Variants in PSMA8 observed in about 807,000 individuals in gnomAD.
PSMA8 encodes the protein proteasome 20S subunit alpha 8.
In PSMA8, 18 loss-of-function variants were observed where a neutral mutation model predicts 32.4. The observed-to-expected ratio is 0.56, with a 90% CI of 0.38 to 0.82. The LOEUF (loss-of-function observed/expected upper bound fraction) is 0.82. Among genes scored for constraint, PSMA8 ranks in the 40% least tolerant of loss-of-function variants. The pLI, the probability that PSMA8 is intolerant of heterozygous loss-of-function variation, is 0.00. For synonymous variants in PSMA8, 104 were observed against 98.1 expected (o/e 1.06, Z -0.36); for missense variants, 298 against 300.7 (o/e 0.99, Z 0.07).
chr18:26,159,303 A>G (rs2055116770), intron 4 of PSMA8, among the ~76,000 whole-genome samples: 1 of 152,222 alleles, frequency 6.6e-6, no homozygotes, highest in Non-Finnish European at 1.5e-5. Context: ...TTAACCAGGC[A>G]GTAAAGCAGT....
chr18:26,154,028 A>G (rs1395101075), intron 3 of PSMA8, among the ~76,000 whole-genome samples: 3 of 152,194 alleles, frequency 2.0e-5, no homozygotes, highest in Non-Finnish European at 4.4e-5. Flanking sequence ...CAGCCTCCTG[A>G]GTAGCTGGGA....
chr18:26,152,059 A>C, intron 3 of PSMA8, 77 bp downstream of exon 3: 1 of 1,116,108 alleles, frequency 9.0e-7, no homozygotes, highest in Non-Finnish European at 1.2e-6. Flanking sequence ...GAAGTACTAC[A>C]GTTACTCCAA....
At chr18:26,184,028 T>G (rs1007394515) in intron 6 of PSMA8, among the ~76,000 whole-genome samples, 1 of 150,714 alleles carries the variant, frequency 6.6e-6, no homozygotes, top group African/African-American at 2.5e-5. Context: ...CAAATTAAGA[T>G]ATGTTGATTT....
chr18:26,133,929 C>A lies in PSMA8; in HGVS notation c.-37C>A. On this transcript the variant is annotated 5_prime_UTR_variant, in exon 1 of 7. Coordinates refer to ENST00000415576, the MANE Select transcript of PSMA8 (RefSeq NM_001025096.2). ...TCCCCGCTTGCCTCAGCTGCAGCAGCGGGAAGCTCGGTGGCAAGCCCTTGT... is the reference window on the plus strand; with the variant it reads ...TCCCCGCTTGCCTCAGCTGCAGCAGAGGGAAGCTCGGTGGCAAGCCCTTGT... 3 of 1,552,358 alleles carry A rather than the reference C, an allele frequency of 1.9e-6. No individual in the cohort carries two copies. Among genetic ancestry groups the A allele is most frequent in the Non-Finnish European group, 2.7e-6 (3 of 1,125,554 alleles).
chr18:26,160,983 C>T (rs2055130690), intron 4 of PSMA8, among the ~76,000 whole-genome samples: 10 of 152,174 alleles, frequency 6.6e-5, no homozygotes, highest in Admixed American at 6.5e-4. Flanking sequence ...TTAGATACCT[C>T]CTCCCTGGTC....
intron 4 of PSMA8, among the ~76,000 whole-genome samples, chr18:26,169,716 G>A (rs1233177612): frequency 2.3e-5 from 3 of 129,044 alleles, no homozygotes; most frequent in Non-Finnish European, 1.5e-5. Context: ...GCGTGGTGGC[G>A]CGCACCCGGT....
chr18:26,137,187 G>T (rs1413572805), intron 1 of PSMA8, among the ~76,000 whole-genome samples: 3 of 152,196 alleles, frequency 2.0e-5, no homozygotes, highest in Admixed American at 2.0e-4. Flanking sequence ...GCTGGGCGTG[G>T]TGGCTGATGC....
intron 4 of PSMA8, among the ~76,000 whole-genome samples, chr18:26,168,005 CT>C (rs1321200081): frequency 1.7e-5 from 2 of 116,930 alleles, no homozygotes; most frequent in Non-Finnish European, 3.1e-5. Context: ...GAGGCAAATA[CT>C]TTTCATTCTC....
At chr18:26,159,702 T>C (rs921296988) in intron 4 of PSMA8, among the ~76,000 whole-genome samples, 1 of 152,098 alleles carries the variant, frequency 6.6e-6, no homozygotes, top group Non-Finnish European at 1.5e-5. Flanking sequence ...AGGAAAATTA[T>C]GGAATTTTTT....
chr18:26,136,319 T>G (rs963474334), intron 1 of PSMA8, among the ~76,000 whole-genome samples: 1 of 150,842 alleles, frequency 6.6e-6, no homozygotes, highest in Non-Finnish European at 1.5e-5. Flanking sequence ...AACGATAAGA[T>G]TTATTATCAT....
At chr18:26,136,092 T>G (rs2054909532) in intron 1 of PSMA8, among the ~76,000 whole-genome samples, 1 of 152,210 alleles carries the variant, frequency 6.6e-6, no homozygotes, top group African/African-American at 2.4e-5. Context: ...GTGATACTAT[T>G]TAGTAATATA....
intron 3 of PSMA8, 27 bp from the exon 4 acceptor site, chr18:26,158,095 T>C: frequency 1.3e-6 from 2 of 1,495,352 alleles, no homozygotes; most frequent in Non-Finnish European, 9.2e-7. Flanking sequence ...AATAGTTTTA[T>C]TCTAAAAATA....
chr18:26,178,785 A>G (rs369108150), intron 4 of PSMA8, 45 bp from the exon 5 acceptor site: 50 of 1,565,466 alleles, frequency 3.2e-5, no homozygotes, highest in Non-Finnish European at 4.2e-5. Flanking sequence ...CCATAAATTC[A>G]TTCCTACTGC....
intron 1 of PSMA8, among the ~76,000 whole-genome samples, chr18:26,136,428 A>G (rs12968175): frequency 0.052 from 7,908 of 152,294 alleles, 228 homozygotes; most frequent in East Asian, 0.12. Flanking sequence ...AAAGTCTTCC[A>G]TAATCCTATC....
intron 4 of PSMA8, among the ~76,000 whole-genome samples, chr18:26,160,169 G>T (rs1431276348): frequency 2.0e-5 from 3 of 152,110 alleles, no homozygotes; most frequent in Non-Finnish European, 4.4e-5. Flanking sequence ...CCAGGCATTG[G>T]TGGTACACAC....
rs534683520 is a variant in PSMA8, at chr18:26,145,791, T to G, written c.229+1106T>G. Among the ~76,000 whole-genome samples the G allele has an allele frequency of 7.9e-5, 12 of 152,326 alleles. No homozygotes were observed. In the East Asian group the frequency reaches 2.1e-3, roughly 27 times the overall value. On this transcript the variant is annotated intron_variant, in intron 2 of 6. Coordinates refer to ENST00000415576, the MANE Select transcript of PSMA8 (RefSeq NM_001025096.2). ...GGACATTTGGGTTATTTCCAATTTT[T>G]GACTATTGTAAATAATGCCTCTATG...
intron 6 of PSMA8, among the ~76,000 whole-genome samples, chr18:26,190,726 G>A (rs144473605): frequency 6.8e-4 from 104 of 152,312 alleles, no homozygotes; most frequent in African/African-American, 2.4e-3. Flanking sequence ...TTCAGCTGTA[G>A]GCAGCAGAGC....
At chr18:26,167,845 AT>A (rs762830746) in intron 4 of PSMA8, among the ~76,000 whole-genome samples, 9,276 of 117,480 alleles carry the variant, frequency 0.079, 1,281 homozygotes, top group Middle Eastern at 0.12. Context: ...GGTCTGTGGT[AT>A]TTTTTTTTTT....
chr18:26,163,250 T>A (rs1220062263), intron 4 of PSMA8, among the ~76,000 whole-genome samples: 1 of 94,542 alleles, frequency 1.1e-5, no homozygotes, highest in African/African-American at 4.0e-5. Context: ...TATATATATA[T>A]ATATATATAT....
Sources: allele counts gnomAD v4.1 joint callset (sites outside exome capture counted in the v4.1 genomes callset), GRCh38; gene constraint gnomAD v4.1.1; transcripts MANE v1.5; gene names NCBI Gene and HGNC (gene_info 2026-07-23, HGNC 2026-07-21).